PRKDC: variants seen among roughly 807,000 people sequenced by gnomAD.
PRKDC encodes DNA-dependent protein kinase catalytic subunit.
Under a neutral mutation model 486.9 loss-of-function variants are expected in PRKDC, and 82 were observed. That is an observed-to-expected ratio of 0.17 (90% CI 0.14 to 0.20). PRKDC has a LOEUF of 0.20. Ranked by LOEUF, PRKDC falls within the 10% of genes least tolerant of loss-of-function variation. The pLI is 1.00. For synonymous variants in PRKDC, 1,895 were observed against 1,837.0 expected (o/e 1.03, Z -0.81); for missense variants, 4,504 against 5,038.2 (o/e 0.89, Z 3.21).
At position 47,902,780 on chromosome 8, in the gene PRKDC, G is replaced by A. The variant is rs752387665; in HGVS notation, c.3058C>T (p.Pro1020Ser). 1 of 1,606,526 alleles carries A rather than the reference G, an allele frequency of 6.2e-7. No homozygotes were observed. Among genetic ancestry groups the A allele is most frequent in the Non-Finnish European group, 8.5e-7 (1 of 1,177,190 alleles). Residue 1020 changes from proline (P) to serine (S), a missense_variant, in exon 27 of 86, where the codon CCT (proline) becomes TCT (serine). Transcript: ENST00000314191. ...LEAILDGIVD[P>S]VDSTLRDFCG... The stretch of plus-strand genomic sequence containing the variant: ...AAATCTCTTAAAGTACTGTCAACAG[G>A]GTCCACAATTCCATCCTGAAACAAA...
intron 11 of PRKDC, 98 bp downstream of exon 11, chr8:47,939,453 G>A: frequency 4.4e-6 from 6 of 1,358,486 alleles, no homozygotes; most frequent in Non-Finnish European, 6.2e-6. Flanking sequence ...CTACTGTATT[G>A]TTACAAGTAT....
At position 47,888,586 on chromosome 8, in the gene PRKDC, C is replaced by T; in HGVS notation, c.4345G>A (p.Ala1449Thr). ...PDAQVDRSRLAAVVSACKQLH... is the reference protein window; with the variant it reads ...PDAQVDRSRLTAVVSACKQLH... ...TGTTTACAGGCAGACACAACAGCAG[C>T]CAGCCTGCTCCTGTCCACTTGCGCG... The change falls in exon 34 of 86, where the codon GCT becomes ACT. Residue 1449 changes from alanine to threonine, a missense_variant. Physicochemically the swap from Ala to Thr is moderately conservative, Grantham distance 58 (BLOSUM62 0). Around this residue, in one of 6 missense-constraint regions of PRKDC, gnomAD observed 1,969 missense variants for 2,068.9 expected, o/e 0.95. Transcript: ENST00000314191. 2 of 1,589,650 alleles carry T rather than the reference C, an allele frequency of 1.3e-6. No individual in the cohort carries two copies. Among genetic ancestry groups the T allele is most frequent in the Non-Finnish European group, 8.6e-7 (1 of 1,167,492 alleles).
chr8:47,915,149 T>C (rs1374135920), intron 23 of PRKDC, among the ~76,000 whole-genome samples, 179 bp downstream of exon 23: 1 of 152,214 alleles, frequency 6.6e-6, no homozygotes, highest in Admixed American at 6.5e-5. Flanking sequence ...GTATACTGAA[T>C]TATTCCAATT....
intron 31 of PRKDC, 94 bp downstream of exon 31, chr8:47,893,045 C>T: frequency 7.1e-7 from 1 of 1,417,114 alleles, no homozygotes; most frequent in African/African-American, 1.4e-5. Context: ...ACAGCACCTA[C>T]CATCATGTCG....
At position 47,834,307 on chromosome 8, in the gene PRKDC, C is replaced by A; in HGVS notation, c.8041G>T (p.Ala2681Ser). Residue 2681 changes from alanine to serine, a missense_variant, in exon 59 of 86, where the codon GCC becomes TCC. Physicochemically the swap from Ala to Ser is moderately conservative, Grantham distance 99. Around this residue, in one of 6 missense-constraint regions of PRKDC, gnomAD observed 1,592 missense variants for 1,724.6 expected, o/e 0.92. Coordinates refer to ENST00000314191, the MANE Select transcript of PRKDC (RefSeq NM_006904.7). ...TSPSSDSLLFAHKRSERLQRA... is the reference protein window; with the variant it reads ...TSPSSDSLLFSHKRSERLQRA... ...TGTAACCTTTCACTCCTCTTGTGGG[C>A]AAACAGCAAGGAGTCAGATGAGGGA... The A allele has an allele frequency of 6.2e-7, 1 of 1,614,052 alleles. No individual in the cohort carries two copies. Among genetic ancestry groups the A allele is most frequent in the Non-Finnish European group, 8.5e-7 (1 of 1,179,902 alleles).
chr8:47,842,067 A>C (rs1026831261), intron 54 of PRKDC, among the ~76,000 whole-genome samples: 7 of 152,088 alleles, frequency 4.6e-5, no homozygotes, highest in Admixed American at 6.5e-5. Flanking sequence ...TTTGCCAAGC[A>C]CAGAGGACCA....
chr8:47,942,128 T>C (rs1220588257), intron 10 of PRKDC, among the ~76,000 whole-genome samples: 3 of 152,228 alleles, frequency 2.0e-5, no homozygotes, highest in African/African-American at 7.2e-5. Context: ...AGGCATGAAA[T>C]TCTCTCTGTC....
intron 61 of PRKDC, 56 bp from the exon 62 acceptor site, chr8:47,828,403 T>C (rs2087786865): frequency 7.2e-7 from 1 of 1,381,148 alleles, no homozygotes; most frequent in East Asian, 2.3e-5. Context: ...ATGCTATAAA[T>C]CACCAATACT....
chr8:47,795,892 G>A (rs1459042210), intron 73 of PRKDC, among the ~76,000 whole-genome samples: 3 of 150,414 alleles, frequency 2.0e-5, no homozygotes, highest in East Asian at 2.0e-4. Flanking sequence ...CATTGGTATG[G>A]AATTTTTTTT....
intron 7 of PRKDC, among the ~76,000 whole-genome samples, chr8:47,945,512 C>T (rs181823342): frequency 1.3e-5 from 2 of 152,292 alleles, no homozygotes; most frequent in African/African-American, 2.4e-5. Flanking sequence ...GTTTGCCTTT[C>T]GTGGCTGGCT....
chr8:47,861,990 C>T lies in PRKDC; in HGVS notation c.5985+72G>A, dbSNP rs971420211. ...GCCGACTTGAATATTGGCAACTTAACGTGTTTGACATAATATGGTTTTCTT... is the reference window on the plus strand; with the variant it reads ...GCCGACTTGAATATTGGCAACTTAATGTGTTTGACATAATATGGTTTTCTT... On this transcript the variant is annotated intron_variant, in intron 44 of 85. Coordinates refer to ENST00000314191, the MANE Select transcript of PRKDC (RefSeq NM_006904.7). 15 of 1,218,318 alleles carry T rather than the reference C, an allele frequency of 1.2e-5. No homozygotes were observed. In the East Asian group the frequency reaches 2.3e-4, roughly 19 times the overall value. The allele number at this position is 1,218,318 out of a possible 1,614,324, so 75.5% of individuals were successfully genotyped here.
chr8:47,869,051 G>C (rs1363847757), intron 40 of PRKDC, among the ~76,000 whole-genome samples: 2 of 152,062 alleles, frequency 1.3e-5, no homozygotes, highest in Non-Finnish European at 2.9e-5. Context: ...TGCCACCATG[G>C]GCTAAAGTGC....
chr8:47,850,017 G>A (rs2088365605), intron 52 of PRKDC, among the ~76,000 whole-genome samples: 1 of 152,130 alleles, frequency 6.6e-6, no homozygotes, highest in Non-Finnish European at 1.5e-5. Context: ...ACCAAGTGTT[G>A]CTACCTGTTA....
intron 68 of PRKDC, among the ~76,000 whole-genome samples, chr8:47,807,808 T>C (rs1405362695): frequency 6.7e-6 from 1 of 150,304 alleles, no homozygotes; most frequent in African/African-American, 2.5e-5. Flanking sequence ...CTCCACCTTC[T>C]GGGTTCAAGC....
chr8:47,823,059 G>A (rs1463125754), intron 64 of PRKDC, among the ~76,000 whole-genome samples: 7 of 152,028 alleles, frequency 4.6e-5, no homozygotes, highest in Non-Finnish European at 1.0e-4. Context: ...GAATGAAGTG[G>A]GCCATTCCCT....
chr8:47,812,678 A>G (rs767036932), intron 68 of PRKDC, among the ~76,000 whole-genome samples: 3 of 152,228 alleles, frequency 2.0e-5, no homozygotes, highest in Non-Finnish European at 2.9e-5. Context: ...CCACCTAAAG[A>G]AACTAGAAAA....
chr8:47,953,690 T>C lies in PRKDC; in HGVS notation c.651A>G (p.Leu217=), dbSNP rs749164889. 1.2e-6 allele frequency: 2 copies of C among 1,613,236 alleles called. No individual in the cohort carries two copies. Among genetic ancestry groups the C allele is most frequent in the Non-Finnish European group, 8.5e-7 (1 of 1,179,624 alleles). Residue 217 remains leucine, a synonymous_variant, in exon 7 of 86, where the codon CTA becomes CTG. Transcript: ENST00000314191. ...QMTSAVREPK[L]PVLAGCLKGL... Reference sequence around the variant, plus strand: ...CCTTCAGACATCCTGCCAGAACAGGTAGTTTGGGCTCTCTTACTGCTGATG... The same window carrying C: ...CCTTCAGACATCCTGCCAGAACAGGCAGTTTGGGCTCTCTTACTGCTGATG...
chr8:47,928,703 A>T (rs2090197906), intron 19 of PRKDC, among the ~76,000 whole-genome samples: 2 of 151,104 alleles, frequency 1.3e-5, no homozygotes, highest in South Asian at 4.2e-4. Flanking sequence ...TTTTTTTTTG[A>T]GACAGAGTCT....
At chr8:47,803,276 G>C in intron 70 of PRKDC, 30 bp downstream of exon 70, 3 of 1,579,666 alleles carry the variant, frequency 1.9e-6, no homozygotes, top group Non-Finnish European at 2.6e-6. Flanking sequence ...AGCCCTTTAA[G>C]ATATAAGTGG....
Sources: gnomAD v4.1 joint callset for allele counts (sites outside exome capture counted in the v4.1 genomes callset) on GRCh38, gnomAD v4.1.1 for gene constraint, gnomAD v4.1.1 regional missense constraint, MANE v1.5 for transcripts, NCBI Gene and HGNC (gene_info 2026-07-23, HGNC 2026-07-21) for gene names.